F7: variants seen among roughly 807,000 people sequenced by gnomAD.
The protein encoded by F7 is coagulation factor VII.
Under a neutral mutation model 47.5 loss-of-function variants are expected in F7, and 38 were observed. The ratio of observed to expected loss-of-function variants is 0.80; its 90% CI spans 0.62 to 1.05. The LOEUF is 1.05. Among genes scored for constraint, F7 ranks in the 50% least tolerant of loss-of-function variants. The probability of loss-of-function intolerance (pLI) is 0.00; values close to 1 mark genes in which losing one functional copy is unlikely to be tolerated. For missense variants in F7, 575 were observed against 605.4 expected, an observed-to-expected ratio of 0.95 and a Z score of 0.53; for synonymous variants, 244 against 258.5, an observed-to-expected ratio of 0.94 and a Z score of 0.54.
rs564965 is a variant in F7, at chr13:113,117,648, T to C, written c.739+52T>C. 0.13 allele frequency: 115,559 copies of C among 874,174 alleles called. 26,763 individuals carry two copies. Among genetic ancestry groups the C allele is most frequent in the East Asian group, 0.36 (9,164 of 25,684 alleles). 54.2% of individuals were successfully genotyped at this position (874,174 alleles called of 1,614,324 possible). A position where few individuals can be genotyped will look rare whatever the true frequency, so the allele number is the denominator to read the frequency against. ...CGCGGTGCTGGGTGGGTGCCACTCTTCCCTGTCCGACCGCGGTGCTGGGTG... is the reference window on the plus strand; with the variant it reads ...CGCGGTGCTGGGTGGGTGCCACTCTCCCCTGTCCGACCGCGGTGCTGGGTG... On this transcript the variant is annotated intron_variant, in intron 7 of 7. Transcript: ENST00000346342.
intron 1 of F7, among the ~76,000 whole-genome samples, chr13:113,109,374 C>T (rs1008630654): frequency 4.3e-4 from 65 of 152,110 alleles, no homozygotes; most frequent in Non-Finnish European, 1.8e-4. Flanking sequence ...TCCTTGAGCC[C>T]GATTCTTTGG....
intron 4 of F7, among the ~76,000 whole-genome samples, chr13:113,115,385 C>G (rs2036175738): frequency 6.6e-6 from 1 of 152,216 alleles, no homozygotes; most frequent in African/African-American, 2.4e-5. Flanking sequence ...ACCCTGGAGG[C>G]CACTGCCCAC....
chr13:113,116,220 C>T (rs931726545), intron 5 of F7, among the ~76,000 whole-genome samples: 2 of 152,204 alleles, frequency 1.3e-5, no homozygotes, highest in South Asian at 2.1e-4. Flanking sequence ...CAGCCTGGAA[C>T]GAATGGGCTG....
intron 5 of F7, 90 bp from the exon 6 acceptor site, chr13:113,116,676 C>T: frequency 9.2e-7 from 1 of 1,085,778 alleles, no homozygotes; most frequent in South Asian, 1.3e-5. Context: ...GCCTCAAGGC[C>T]TCTCAGAGGA....
At chr13:113,106,924 G>A in intron 1 of F7, 1 of 1,596,646 alleles carries the variant, frequency 6.3e-7, no homozygotes, top group Non-Finnish European at 8.5e-7. Flanking sequence ...AGCAGGGACT[G>A]CCACTGGTTT....
At chr13:113,117,054 G>T in intron 6 of F7, 179 bp downstream of exon 6, 1 of 692,132 alleles carries the variant, frequency 1.4e-6, no homozygotes, top group Non-Finnish European at 2.6e-6. Context: ...GGCAAGGAAG[G>T]AGAAAAGAAA....
intron 1 of F7, chr13:113,107,003 G>A (rs2035973816): frequency 1.4e-6 from 2 of 1,393,266 alleles, no homozygotes; most frequent in Non-Finnish European, 2.0e-6. Flanking sequence ...AGCCCGCGGG[G>A]TGGCTACTGC....
intron 1 of F7, chr13:113,106,866 G>C: frequency 6.2e-7 from 1 of 1,606,178 alleles, no homozygotes; most frequent in Non-Finnish European, 8.5e-7. Flanking sequence ...AAGGCCTCAG[G>C]AGGAGAAACA....
At chr13:113,114,618 C>T (rs1252420202) in intron 4 of F7, 26 of 157,028 alleles carry the variant, frequency 1.7e-4, no homozygotes, top group Non-Finnish European at 1.6e-4. Context: ...CTCTACGAGC[C>T]CCGGTGTCCA....
At chr13:113,111,053 G>A (rs910793356) in intron 2 of F7, among the ~76,000 whole-genome samples, 2 of 152,162 alleles carry the variant, frequency 1.3e-5, no homozygotes, top group East Asian at 1.9e-4. Context: ...CCAGGCACGC[G>A]CTCTCCCCGT....
chr13:113,119,551 A>G lies in F7; in HGVS notation c.*543A>G, dbSNP rs886049991. 2.2e-4 allele frequency: 39 copies of G among 180,704 alleles called. No individual in the cohort carries two copies. Among genetic ancestry groups the G allele is most frequent in the Admixed American group, 1.7e-4 (3 of 18,074 alleles). The allele number at this position is 180,704 out of a possible 1,614,324, so 11.2% of individuals were successfully genotyped here. A position where few individuals can be genotyped will look rare whatever the true frequency, so the allele number is the denominator to read the frequency against. On this transcript the variant is annotated 3_prime_UTR_variant, in exon 8 of 8. Transcript: ENST00000346342. ...CACACAGAGATACGCAAACACACCG[A>G]TGCACACGCACATAGAGATATGCAC...
At chr13:113,117,633 G>A (rs2036218000) in intron 7 of F7, 37 bp downstream of exon 7, 1 of 1,501,436 alleles carries the variant, frequency 6.7e-7, no homozygotes, top group African/African-American at 1.5e-5. Context: ...CGCGGTGCTG[G>A]GTGGGTGCCA....
At chr13:113,108,348 C>A (rs960769625) in intron 1 of F7, among the ~76,000 whole-genome samples, 1 of 60,706 alleles carries the variant, frequency 1.6e-5, no homozygotes, top group Non-Finnish European at 3.3e-5. Context: ...GTTCCGGAGG[C>A]GAGGGTGTCC....
chr13:113,107,049 G>C, intron 1 of F7: 1 of 962,148 alleles, frequency 1.0e-6, no homozygotes. Flanking sequence ...TGCTCGAGAG[G>C]AAGTGACCGC....
At chr13:113,106,044 A>C (rs574154429) in intron 1 of F7, 139 bp downstream of exon 1, 7 of 670,834 alleles carry the variant, frequency 1.0e-5, no homozygotes, top group African/African-American at 3.7e-5. Flanking sequence ...GCTCCTGTTC[A>C]ATTTCTTTCC....
Position 113,113,354 on chromosome 13 carries a change from T to C in F7, c.226-398T>C, listed in dbSNP as rs2036138969. Among the ~76,000 whole-genome samples, 1 of 152,262 alleles carries C rather than the reference T, an allele frequency of 6.6e-6. No homozygotes were observed. Among genetic ancestry groups the C allele is most frequent in the Non-Finnish European group, 1.5e-5 (1 of 68,046 alleles). On this transcript the variant is annotated intron_variant, in intron 2 of 7. Coordinates refer to ENST00000346342, the MANE Select transcript of F7 (RefSeq NM_019616.4). The surrounding 1 kb of genome is among the most constrained non-coding windows in gnomAD (Gnocchi z 4.1). ...ACAGTTTCTTCAGCAATCACTTTTTTCTGTGGAGTGCTTTTGCTGTTTGTG... is the reference window on the plus strand; with the variant it reads ...ACAGTTTCTTCAGCAATCACTTTTTCCTGTGGAGTGCTTTTGCTGTTTGTG...
intron 7 of F7, 57 bp from the exon 8 acceptor site, chr13:113,118,356 C>G: frequency 6.5e-7 from 1 of 1,530,986 alleles, no homozygotes; most frequent in Non-Finnish European, 8.8e-7. Flanking sequence ...TCCCCATGCA[C>G]CAGGGGGTGA....
Position 113,113,286 on chromosome 13 carries a change from T to C in F7, c.226-466T>C, listed in dbSNP as rs975500724. Among the ~76,000 whole-genome samples the C allele has an allele frequency of 2.0e-5, 3 of 152,262 alleles. No homozygotes were observed. The highest frequency in any genetic ancestry group is 2.0e-4 in the Admixed American group (3 of 15,290). The stretch of plus-strand genomic sequence containing the variant: ...TAGTTTTGAAAGCATTTCTCATCTG[T>C]TGTATTCTCACAGCACCCCGTGAGT... On this transcript the variant is annotated intron_variant, in intron 2 of 7. Transcript: ENST00000346342. This position sits in a 1 kb window ranked among gnomAD's most constrained non-coding sequence, Gnocchi z 4.1.
intron 1 of F7, among the ~76,000 whole-genome samples, chr13:113,107,258 GTGTGGGTGT>G (rs2035979493): frequency 1.4e-5 from 1 of 68,970 alleles, no homozygotes; most frequent in Non-Finnish European, 3.5e-5. Context: ...TGTCCCGGGA[GTGTGGGTGT>G]CCCGGGGGCG....
Sources: gnomAD v4.1 joint callset for allele counts (sites outside exome capture counted in the v4.1 genomes callset) on GRCh38, gnomAD v4.1.1 for gene constraint, Gnocchi (gnomAD v3.1) non-coding constraint, MANE v1.5 for transcripts, NCBI Gene and HGNC (gene_info 2026-07-23, HGNC 2026-07-21) for gene names.